Variants in STARD13 observed in about 807,000 individuals in gnomAD.
The protein encoded by STARD13 is stAR-related lipid transfer protein 13.
Under a neutral mutation model 106.4 loss-of-function variants are expected in STARD13, and 62 were observed. The ratio of observed to expected loss-of-function variants is 0.58; its 90% confidence interval spans 0.48 to 0.72. STARD13 has a LOEUF of 0.72. Ranked by LOEUF, STARD13 falls within the 30% of genes least tolerant of loss-of-function variation. STARD13 has a pLI of 0.00. For missense variants in STARD13, 1,387 were observed against 1,424.0 expected, an observed-to-expected ratio of 0.97 and a Z score of 0.42; for synonymous variants, 565 against 553.0, an observed-to-expected ratio of 1.02 and a Z score of -0.31.
At chr13:33,587,328 GC>G in the STARD13 span, among the ~76,000 whole-genome samples, 1 of 151,870 alleles carries the variant, frequency 6.6e-6, no homozygotes, top group African/African-American at 2.4e-5. Flanking sequence ...ATTATGTAAA[GC>G]CCCACATCTA....
Position 33,130,373 on chromosome 13 carries a change from G to T in STARD13, c.388-84C>A. 1 of 1,351,596 alleles carries T rather than the reference G, an allele frequency of 7.4e-7. No individual in the cohort carries two copies. Among genetic ancestry groups the T allele is most frequent in the Non-Finnish European group, 1.0e-6 (1 of 983,128 alleles). The allele number at this position is 1,351,596 out of a possible 1,614,324, so 83.7% of individuals were successfully genotyped here. ...GGGTGCTCTGAGGGCAGCCCTGTGT[G>T]GTCCTCCACCTCCCTCCCCTCTGTC... On this transcript the variant is annotated intron_variant, in intron 4 of 13. Coordinates refer to ENST00000336934, the MANE Select transcript of STARD13 (RefSeq NM_178006.4). This position sits in a 1 kb window ranked among gnomAD's most constrained non-coding sequence, Gnocchi z 4.1.
the STARD13 span, among the ~76,000 whole-genome samples, chr13:33,631,750 TC>T: frequency 0.031 from 4,652 of 152,322 alleles, 76 homozygotes; most frequent in Middle Eastern, 0.051. Flanking sequence ...TTACTTTATT[TC>T]TTTAAATATC....
the STARD13 span, among the ~76,000 whole-genome samples, chr13:33,400,432 G>A: frequency 2.0e-5 from 3 of 151,768 alleles, no homozygotes; most frequent in South Asian, 4.2e-4. Flanking sequence ...ACACTGCAAT[G>A]AACATGGGGG....
chr13:33,288,070 T>C (rs1341235890), upstream of STARD13, among the ~76,000 whole-genome samples: 5 of 151,994 alleles, frequency 3.3e-5, no homozygotes, highest in African/African-American at 7.3e-5. Context: ...CTGAGAAGGA[T>C]TGCAGTGTGT....
At chr13:33,551,611 T>TG in the STARD13 span, among the ~76,000 whole-genome samples, 2 of 107,268 alleles carry the variant, frequency 1.9e-5, no homozygotes, top group African/African-American at 3.7e-5. Context: ...TTTTTTTTTT[T>TG]TTTTTGAGTT....
chr13:33,646,155 A>C, the STARD13 span, among the ~76,000 whole-genome samples: 2 of 152,198 alleles, frequency 1.3e-5, no homozygotes, highest in African/African-American at 2.4e-5. Context: ...TCCCAGGTGC[A>C]TGCTTTTGAC....
the STARD13 span, among the ~76,000 whole-genome samples, chr13:33,663,441 G>A: frequency 6.6e-6 from 1 of 152,060 alleles, no homozygotes; most frequent in Non-Finnish European, 1.5e-5. Flanking sequence ...TTTTGTACGT[G>A]AAAAAAGTTG....
intron 1 of STARD13, among the ~76,000 whole-genome samples, chr13:33,297,047 T>C (rs1892523266): frequency 6.6e-6 from 1 of 152,260 alleles, no homozygotes. Flanking sequence ...TGTACAGACT[T>C]TCTGGAGGAG....
At chr13:33,350,230 G>C (rs955924129) in intron 1 of STARD13, 11 of 1,464,526 alleles carry the variant, frequency 7.5e-6, no homozygotes, top group South Asian at 1.4e-5. Context: ...GGGCCCGGGC[G>C]GGCTACGGGG....
At chr13:33,464,033 ATATATATATG>A in the STARD13 span, among the ~76,000 whole-genome samples, 2 of 144,668 alleles carry the variant, frequency 1.4e-5, no homozygotes, top group African/African-American at 2.5e-5. Flanking sequence ...ACATATATAT[ATATATATATG>A]TATATGTATA....
chr13:33,141,774 T>C (rs745921363), intron 4 of STARD13, among the ~76,000 whole-genome samples: 2 of 152,184 alleles, frequency 1.3e-5, no homozygotes, highest in African/African-American at 2.4e-5. Flanking sequence ...TTTAATCTAC[T>C]CACTGCTGTG....
the STARD13 span, among the ~76,000 whole-genome samples, chr13:33,541,481 C>T: frequency 6.6e-6 from 1 of 152,184 alleles, no homozygotes; most frequent in Non-Finnish European, 1.5e-5. Context: ...TGCCATAGTA[C>T]TCCTCACGTC....
the STARD13 span, among the ~76,000 whole-genome samples, chr13:33,429,603 C>A: frequency 1.3e-5 from 2 of 151,968 alleles, no homozygotes; most frequent in Non-Finnish European, 2.9e-5. Flanking sequence ...TAAGACCCTG[C>A]CATTTGCAAC....
chr13:33,399,897 C>A, the STARD13 span, among the ~76,000 whole-genome samples: 1 of 151,846 alleles, frequency 6.6e-6, no homozygotes, highest in African/African-American at 2.4e-5. Context: ...GGGTACAAGG[C>A]AACTTTGTGG....
At chr13:33,494,512 A>G in the STARD13 span, among the ~76,000 whole-genome samples, 6 of 152,170 alleles carry the variant, frequency 3.9e-5, no homozygotes, top group African/African-American at 1.4e-4. Flanking sequence ...CAGAACAATC[A>G]GAGTTTAAGG....
the STARD13 span, among the ~76,000 whole-genome samples, chr13:33,425,642 A>G: frequency 6.6e-6 from 1 of 152,228 alleles, no homozygotes; most frequent in East Asian, 1.9e-4. Context: ...ATGATTGCCA[A>G]ATCTACTGCC....
chr13:33,507,133 C>T, the STARD13 span, among the ~76,000 whole-genome samples: 1 of 152,116 alleles, frequency 6.6e-6, no homozygotes, highest in Non-Finnish European at 1.5e-5. Flanking sequence ...CTTTTTCCAA[C>T]TACATAACTA....
the STARD13 span, among the ~76,000 whole-genome samples, chr13:33,534,692 A>G: frequency 6.6e-6 from 1 of 152,298 alleles, no homozygotes; most frequent in African/African-American, 2.4e-5. Context: ...CTTTGGATAT[A>G]TTTAAATTCT....
At chr13:33,194,725 A>G (rs1267795176) in intron 1 of STARD13, among the ~76,000 whole-genome samples, 1 of 152,268 alleles carries the variant, frequency 6.6e-6, no homozygotes, top group East Asian at 1.9e-4. Flanking sequence ...CTCAACCCTC[A>G]AATATGGGCT....
Sources: gnomAD v4.1 joint callset for allele counts (sites outside exome capture counted in the v4.1 genomes callset) on GRCh38, gnomAD v4.1.1 for gene constraint, Gnocchi (gnomAD v3.1) non-coding constraint, MANE v1.5 for transcripts, NCBI Gene and HGNC (gene_info 2026-07-23, HGNC 2026-07-21) for gene names.